The following HS6ST3 variants were observed in gnomAD, a reference collection of about 807,000 sequenced individuals.
The protein encoded by HS6ST3 is heparan-sulfate 6-O-sulfotransferase 3.
A neutral mutation model predicts 36.7 loss-of-function variants in HS6ST3; 12 were observed. The observed-to-expected ratio is 0.33, with a 90% CI of 0.21 to 0.53. The LOEUF is 0.53. Ranked by LOEUF, HS6ST3 falls within the 20% of genes least tolerant of loss-of-function variation. The pLI, the probability that HS6ST3 is intolerant of heterozygous loss-of-function variation, is 0.95. For missense variants in HS6ST3, 584 were observed against 640.9 expected (o/e 0.91, Z 0.96); for synonymous variants, 240 against 257.5 (o/e 0.93, Z 0.65).
intron 1 of HS6ST3, among the ~76,000 whole-genome samples, chr13:96,303,375 T>A (rs2054893267): frequency 6.6e-6 from 1 of 152,212 alleles, no homozygotes; most frequent in East Asian, 1.9e-4. Context: ...CCTTGTGGGC[T>A]ACAAAATGTT....
chr13:96,610,046 G>C (rs1445073511), intron 1 of HS6ST3, among the ~76,000 whole-genome samples: 1 of 152,132 alleles, frequency 6.6e-6, no homozygotes, highest in African/African-American at 2.4e-5. Flanking sequence ...GTGGGAGGGA[G>C]GATCTCAGAA....
In HS6ST3 at chr13:96,677,787, C is replaced by T. The variant is rs2056703971; in HGVS notation, c.708-154703C>T. Among the ~76,000 whole-genome samples, 4 of 152,212 alleles carry T rather than the reference C, an allele frequency of 2.6e-5. No homozygotes were observed. The South Asian group carries it at 8.3e-4, about 32-fold the overall frequency. The stretch of plus-strand genomic sequence containing the variant: ...TCTTTCTCTCCTCTAGAATTTGCAT[C>T]ATCCTAGACTCAAATAAATCTTATT... On this transcript the variant is annotated intron_variant, in intron 1 of 1. Coordinates refer to ENST00000376705, the MANE Select transcript of HS6ST3 (RefSeq NM_153456.4).
At chr13:96,730,324 C>G (rs1594846949) in intron 1 of HS6ST3, among the ~76,000 whole-genome samples, 1 of 152,080 alleles carries the variant, frequency 6.6e-6, no homozygotes, top group South Asian at 2.1e-4. Context: ...TTAAATCCTC[C>G]AAATATTTCT....
chr13:96,594,716 A>T (rs1251062947), intron 1 of HS6ST3, among the ~76,000 whole-genome samples: 1 of 152,028 alleles, frequency 6.6e-6, no homozygotes, highest in Admixed American at 6.6e-5. Context: ...TATTTTTAAT[A>T]GTTTTGTCTT....
At chr13:96,523,095 G>A (rs149711000) in intron 1 of HS6ST3, among the ~76,000 whole-genome samples, 8,648 of 152,178 alleles carry the variant, frequency 0.057, 289 homozygotes, top group Middle Eastern at 0.088. Flanking sequence ...TGTCTGTAAA[G>A]GATATTATTT....
chr13:96,293,417 A>G (rs1431118214), intron 1 of HS6ST3, among the ~76,000 whole-genome samples: 1 of 152,114 alleles, frequency 6.6e-6, no homozygotes, highest in Non-Finnish European at 1.5e-5. Flanking sequence ...TTTTCAATAC[A>G]GTCGTCTTAG....
At chr13:96,719,754 G>A (rs1260261777) in intron 1 of HS6ST3, among the ~76,000 whole-genome samples, 1 of 152,122 alleles carries the variant, frequency 6.6e-6, no homozygotes, top group African/African-American at 2.4e-5. Flanking sequence ...CACCTCTACC[G>A]TTACCTGTAA....
chr13:96,168,891 A>G (rs1198907101), intron 1 of HS6ST3, among the ~76,000 whole-genome samples: 1 of 152,072 alleles, frequency 6.6e-6, no homozygotes, highest in Non-Finnish European at 1.5e-5. Context: ...ACATTGTACC[A>G]AATAGATAAT....
At chr13:96,563,900 G>T (rs1220759727) in intron 1 of HS6ST3, among the ~76,000 whole-genome samples, 1 of 152,074 alleles carries the variant, frequency 6.6e-6, no homozygotes, top group Non-Finnish European at 1.5e-5. Flanking sequence ...TATGGTTACG[G>T]CCAGCCTGTG....
intron 1 of HS6ST3, among the ~76,000 whole-genome samples, chr13:96,324,204 A>G (rs976836619): frequency 6.6e-6 from 1 of 152,200 alleles, no homozygotes; most frequent in East Asian, 1.9e-4. Context: ...AACATCTCCA[A>G]AAACTTTATT....
intron 1 of HS6ST3, among the ~76,000 whole-genome samples, chr13:96,210,821 T>C (rs750348249): frequency 1.3e-5 from 2 of 152,042 alleles, no homozygotes; most frequent in Non-Finnish European, 2.9e-5. Flanking sequence ...CGCAAACTCC[T>C]GGGCTCAAGT....
At chr13:96,640,891 T>C (rs1305533213) in intron 1 of HS6ST3, among the ~76,000 whole-genome samples, 2 of 152,014 alleles carry the variant, frequency 1.3e-5, no homozygotes, top group Non-Finnish European at 2.9e-5. Flanking sequence ...AGATTGTCTG[T>C]TCTGTTCTAG....
At chr13:96,288,211 AATTGTTCT>A (rs2054813106) in intron 1 of HS6ST3, among the ~76,000 whole-genome samples, 1 of 152,194 alleles carries the variant, frequency 6.6e-6, no homozygotes, top group South Asian at 2.1e-4. Context: ...CTGATCTGAA[AATTGTTCT>A]ATATTGTTGG....
intron 1 of HS6ST3, among the ~76,000 whole-genome samples, chr13:96,396,171 G>A (rs1414452219): frequency 3.9e-5 from 6 of 151,990 alleles, no homozygotes; most frequent in Admixed American, 6.6e-5. Flanking sequence ...AAAATTAGCC[G>A]GGTGTAGTAG....
intron 1 of HS6ST3, among the ~76,000 whole-genome samples, chr13:96,517,460 G>A (rs2056077101): frequency 6.6e-6 from 1 of 152,168 alleles, no homozygotes; most frequent in African/African-American, 2.4e-5. Context: ...GGAGATGGGG[G>A]GAGAGGGCAG....
At chr13:96,530,097 A>G (rs1395465754) in intron 1 of HS6ST3, among the ~76,000 whole-genome samples, 1 of 152,240 alleles carries the variant, frequency 6.6e-6, no homozygotes, top group Admixed American at 6.5e-5. Flanking sequence ...GCAGAAAAAG[A>G]GTGACCAAAA....
intron 1 of HS6ST3, among the ~76,000 whole-genome samples, chr13:96,330,053 T>C (rs2139419899): frequency 6.7e-6 from 1 of 148,910 alleles, no homozygotes; most frequent in South Asian, 2.2e-4. Context: ...TCCACCATCC[T>C]TTTATTTTGA....
chr13:96,327,259 C>T (rs1388761921), intron 1 of HS6ST3, among the ~76,000 whole-genome samples: 2 of 151,744 alleles, frequency 1.3e-5, no homozygotes, highest in East Asian at 1.9e-4. Context: ...TTGCCCATGC[C>T]TATGTCCTGA....
chr13:96,275,150 CT>C (rs2054741756), intron 1 of HS6ST3, among the ~76,000 whole-genome samples: 1 of 152,102 alleles, frequency 6.6e-6, no homozygotes. Context: ...AAAATAATTG[CT>C]TTAGTTAGCC....
Sources: allele counts gnomAD v4.1 joint callset (sites outside exome capture counted in the v4.1 genomes callset), GRCh38; gene constraint gnomAD v4.1.1; transcripts MANE v1.5; gene names NCBI Gene and HGNC (gene_info 2026-07-23, HGNC 2026-07-21).